The following PLEKHA8 variants were observed in gnomAD, a reference collection of about 807,000 sequenced individuals.
PLEKHA8 encodes the protein pleckstrin homology domain containing A8.
In PLEKHA8, 36 loss-of-function variants were observed where a neutral mutation model predicts 68.2. The observed-to-expected ratio is 0.53, with a 90% confidence interval of 0.40 to 0.70. The LOEUF (loss-of-function observed/expected upper bound fraction) is 0.70. Among genes scored for constraint, PLEKHA8 ranks in the 30% least tolerant of loss-of-function variants. The pLI is 0.00. For missense variants in PLEKHA8, 505 were observed against 615.4 expected (o/e 0.82, Z 1.90); for synonymous variants, 211 against 216.1 (o/e 0.98, Z 0.20).
At chr7:30,039,012 C>A (rs1791320927) in intron 1 of PLEKHA8, among the ~76,000 whole-genome samples, 1 of 151,616 alleles carries the variant, frequency 6.6e-6, no homozygotes, top group African/African-American at 2.4e-5. Flanking sequence ...TCATTGAAAA[C>A]GTGTTGTTCA....
chr7:30,116,102 A>G (rs147465766), intron 13 of PLEKHA8: 45 of 150,818 alleles, frequency 3.0e-4, no homozygotes, highest in African/African-American at 1.0e-3. Flanking sequence ...ACGTATACAT[A>G]CGCATACATA....
At chr7:30,090,298 C>T (rs116939442) in exon 13 of PLEKHA8, 25,876 of 1,222,830 alleles carry the variant, frequency 0.021, 306 homozygotes, top group Non-Finnish European at 0.026. Context: ...GATTCTGTGA[C>T]GGGAAACAAT....
At chr7:30,056,724 CAAAAA>C (rs1195453987) in intron 9 of PLEKHA8, among the ~76,000 whole-genome samples, 3 of 39,888 alleles carry the variant, frequency 7.5e-5, no homozygotes, top group African/African-American at 2.0e-4. Flanking sequence ...CAGCCTGTCT[CAAAAA>C]AAAAAAAAAA....
chr7:30,085,869 G>T (rs1054718946), downstream of PLEKHA8, among the ~76,000 whole-genome samples: 1 of 152,192 alleles, frequency 6.6e-6, no homozygotes, highest in Non-Finnish European at 1.5e-5. Flanking sequence ...GAAGGATGGT[G>T]TAGGCACACT....
chr7:30,116,383 G>T (rs1328214394), intron 13 of PLEKHA8, among the ~76,000 whole-genome samples: 1 of 151,812 alleles, frequency 6.6e-6, no homozygotes, highest in Non-Finnish European at 1.5e-5. Context: ...CTGTTTACAT[G>T]TGCGATTTTT....
chr7:30,105,776 T>C (rs1436106481), intron 13 of PLEKHA8, among the ~76,000 whole-genome samples: 4 of 152,356 alleles, frequency 2.6e-5, no homozygotes, highest in Non-Finnish European at 4.4e-5. Context: ...GTTTATATCA[T>C]TTTTCTCTTG....
At chr7:30,051,744 C>T (rs567268837) in intron 6 of PLEKHA8, among the ~76,000 whole-genome samples, 31 of 152,138 alleles carry the variant, frequency 2.0e-4, no homozygotes, top group Admixed American at 1.1e-3. Flanking sequence ...GAGGCCGAGA[C>T]GGGTGGATCA....
rs1054939431 is a variant in PLEKHA8, at chr7:30,033,314, G to T, written c.40+4512G>T. Reference sequence around the variant, plus strand: ...AGCAGTCACTCCTACACCTACACCTGCCCTTCACTGTTGGCAACCACTAAT... The same window carrying T: ...AGCAGTCACTCCTACACCTACACCTTCCCTTCACTGTTGGCAACCACTAAT... On this transcript the variant is annotated intron_variant, in intron 1 of 13. Coordinates refer to ENST00000449726, the MANE Select transcript of PLEKHA8 (RefSeq NM_001197026.2). 2.0e-5 allele frequency among the ~76,000 whole-genome samples: 3 copies of T among 152,232 alleles called. No individual in the cohort carries two copies. In the East Asian group the frequency reaches 5.8e-4, roughly 29 times the overall value.
At chr7:30,030,609 C>G (rs1262718467) in intron 1 of PLEKHA8, among the ~76,000 whole-genome samples, 1 of 152,220 alleles carries the variant, frequency 6.6e-6, no homozygotes, top group Non-Finnish European at 1.5e-5. Context: ...GCTGTCTCTA[C>G]GTGATGCTGC....
At chr7:30,042,113 C>A (rs1055882140) in intron 1 of PLEKHA8, among the ~76,000 whole-genome samples, 3 of 152,154 alleles carry the variant, frequency 2.0e-5, no homozygotes, top group Non-Finnish European at 1.5e-5. Context: ...ACAGAGAATT[C>A]CTCCTGCGAC....
Position 30,079,266 on chromosome 7 carries a change from T to G in PLEKHA8, c.*479T>G, listed in dbSNP as rs529956688. The G allele has an allele frequency of 1.0e-6, 1 of 989,862 alleles. No individual in the cohort carries two copies. The highest frequency in any genetic ancestry group is 4.6e-5 in the South Asian group (1 of 21,626). The allele number at this position is 989,862 out of a possible 1,614,324, so 61.3% of individuals were successfully genotyped here. A position where few individuals can be genotyped will look rare whatever the true frequency, so the allele number is the denominator to read the frequency against. On this transcript the variant is annotated 3_prime_UTR_variant, in exon 14 of 14. Transcript: ENST00000449726. ...AGAGTTTGCTGTTCCTAGATGTTCT[T>G]CAGTGGACCCTCTTCACTGCAACTC...
At chr7:30,090,103 C>A in intron 12 of PLEKHA8, 1 of 1,508,460 alleles carries the variant, frequency 6.6e-7, no homozygotes, top group South Asian at 1.3e-5. Flanking sequence ...AAGATTTTTC[C>A]TGAAATGAAG....
At chr7:30,045,457 T>C (rs1791879273) in intron 2 of PLEKHA8, among the ~76,000 whole-genome samples, 1 of 152,216 alleles carries the variant, frequency 6.6e-6, no homozygotes. Context: ...CATTCCTTAG[T>C]GACCTGCTCA....
chr7:30,028,753 C>G lies in PLEKHA8; in HGVS notation c.-10C>G. On this transcript the variant is annotated 5_prime_UTR_variant, in exon 1 of 14. Transcript: ENST00000449726. ...GGCCGGCGGGCGTGGGCCGAGTGGC[C>G]GCGGGCGCCATGGAGGGGGTGCTGT... is the stretch of plus-strand genomic sequence containing the variant. 2.0e-5 allele frequency: 25 copies of G among 1,262,514 alleles called. No homozygotes were observed. The highest frequency in any genetic ancestry group is 2.4e-5 in the Non-Finnish European group (24 of 997,992). The allele number at this position is 1,262,514 out of a possible 1,614,324, so 78.2% of individuals were successfully genotyped here. A position where few individuals can be genotyped will look rare whatever the true frequency, so the allele number is the denominator to read the frequency against.
rs748197132 is a variant in PLEKHA8 at position 30,028,428 on chromosome 7, G to T, written c.-335G>T. ...GGTTCAGGTGGTGCGCCGTGGCGCC[G>T]CCTGCGACCGGCAGCTCGTTCGCCG... On this transcript the variant is annotated 5_prime_UTR_variant, in exon 1 of 14. Transcript: ENST00000449726. The T allele has an allele frequency of 2.3e-5, 6 of 257,444 alleles. No homozygotes were observed. The highest frequency in any genetic ancestry group is 4.4e-5 in the Non-Finnish European group (6 of 135,944). The allele number at this position is 257,444 out of a possible 1,614,324, so 15.9% of individuals were successfully genotyped here.
At chr7:30,115,142 A>G (rs1327416007) in intron 13 of PLEKHA8, among the ~76,000 whole-genome samples, 2 of 152,114 alleles carry the variant, frequency 1.3e-5, no homozygotes, top group Non-Finnish European at 2.9e-5. Context: ...TTGCCAGTTC[A>G]TTCATGCATT....
chr7:30,061,206 T>A (rs1327471616), intron 10 of PLEKHA8, among the ~76,000 whole-genome samples: 1 of 152,206 alleles, frequency 6.6e-6, no homozygotes, highest in Non-Finnish European at 1.5e-5. Flanking sequence ...ACCGTGTGGA[T>A]CAGTAGGGTT....
chr7:30,103,546 G>A (rs1583471817), intron 13 of PLEKHA8, among the ~76,000 whole-genome samples: 1 of 152,246 alleles, frequency 6.6e-6, no homozygotes, highest in Non-Finnish European at 1.5e-5. Flanking sequence ...CTCGAAAGCT[G>A]TAGTAATGAA....
chr7:30,121,137 G>T (rs891170642), intron 13 of PLEKHA8, among the ~76,000 whole-genome samples: 1 of 151,738 alleles, frequency 6.6e-6, no homozygotes, highest in Admixed American at 6.5e-5. Context: ...AGGGTTCCAC[G>T]TGAAAAAATA....
Sources: gnomAD v4.1 joint callset for allele counts (sites outside exome capture counted in the v4.1 genomes callset) on GRCh38, gnomAD v4.1.1 for gene constraint, MANE v1.5 for transcripts, NCBI Gene and HGNC (gene_info 2026-07-23, HGNC 2026-07-21) for gene names.